ARL15: variants seen among roughly 807,000 people sequenced by gnomAD.
ARL15 encodes the protein ARF like GTPase 15.
ARL15 carries 19 observed loss-of-function variants against 25.2 expected under a neutral mutation model. The observed-to-expected ratio is 0.75, with a 90% CI of 0.53 to 1.10. The LOEUF is 1.10. Ranked by LOEUF, ARL15 falls within the 50% of genes least tolerant of loss-of-function variation. The probability of loss-of-function intolerance (pLI) is 0.00; values close to 1 mark genes in which losing one functional copy is unlikely to be tolerated. For missense variants in ARL15, 220 were observed against 246.0 expected (o/e 0.89, Z 0.71); for synonymous variants, 94 against 86.8 (o/e 1.08, Z -0.46).
chr5:54,076,423 GA>G (rs911175651), intron 4 of ARL15, among the ~76,000 whole-genome samples: 30 of 100,390 alleles, frequency 3.0e-4, no homozygotes, highest in Middle Eastern at 5.7e-3. Flanking sequence ...TCCGTCTCAA[GA>G]AAAAAAAAAA....
Position 54,149,337 on chromosome 5 carries a change from T to G in ARL15, c.253+5243A>C, listed in dbSNP as rs1229916121. ...CCAGTGAGGGCCTTTTCGAGTTGCT[T>G]CTCAGTTTAAACAGGTGTAATATCT... On this transcript the variant is annotated intron_variant, in intron 3 of 4. Coordinates refer to ENST00000504924, the MANE Select transcript of ARL15 (RefSeq NM_019087.3). Among the ~76,000 whole-genome samples, 9 of 152,248 alleles carry G rather than the reference T, an allele frequency of 5.9e-5. No individual in the cohort carries two copies. In the East Asian group the frequency reaches 1.7e-3, roughly 29 times the overall value.
chr5:53,932,164 A>G (rs1255426537), intron 4 of ARL15, among the ~76,000 whole-genome samples: 2 of 152,252 alleles, frequency 1.3e-5, no homozygotes, highest in African/African-American at 4.8e-5. Flanking sequence ...TTACAGAAAA[A>G]TCATAGGCAT....
chr5:54,289,256 G>A lies in ARL15; in HGVS notation c.48+21176C>T, dbSNP rs113652490. On this transcript the variant is annotated intron_variant, in intron 1 of 4. Coordinates refer to ENST00000504924, the MANE Select transcript of ARL15 (RefSeq NM_019087.3). ...CCCAGCCATGTCCCATGCTGGGGAC[G>A]GAACAGTGAGAGCAAAGTCCCTGCT... Among the ~76,000 whole-genome samples the A allele has an allele frequency of 6.3e-3, 958 of 152,038 alleles. 7 individuals are homozygous for A. Among genetic ancestry groups the A allele is most frequent in the African/African-American group, 0.022 (911 of 41,436 alleles).
chr5:54,010,697 A>G (rs1463218460), intron 4 of ARL15, among the ~76,000 whole-genome samples: 2 of 152,180 alleles, frequency 1.3e-5, no homozygotes, highest in Non-Finnish European at 2.9e-5. Flanking sequence ...ACTCCATCAA[A>G]TCAGTAAAAT....
intron 3 of ARL15, 75 bp downstream of exon 3, chr5:54,154,505 G>T: frequency 1.1e-6 from 1 of 907,210 alleles, no homozygotes; most frequent in South Asian, 1.7e-5. Context: ...CATTATGTTT[G>T]AATTACATAT....
intron 4 of ARL15, among the ~76,000 whole-genome samples, chr5:53,993,775 C>T (rs1748580735): frequency 6.6e-6 from 1 of 152,172 alleles, no homozygotes; most frequent in Non-Finnish European, 1.5e-5. Context: ...TAGTTAGAGT[C>T]AGGTCCTGGC....
intron 4 of ARL15, among the ~76,000 whole-genome samples, chr5:54,048,757 G>A (rs558084379): frequency 6.7e-6 from 1 of 150,218 alleles, no homozygotes; most frequent in African/African-American, 2.5e-5. Context: ...CTTCCCCAAA[G>A]GAACCATTTG....
intron 1 of ARL15, among the ~76,000 whole-genome samples, chr5:54,284,302 G>C (rs1190002918): frequency 6.6e-6 from 1 of 152,076 alleles, no homozygotes; most frequent in Non-Finnish European, 1.5e-5. Flanking sequence ...ACAGGGTTTT[G>C]CCATGTTTCC....
At chr5:54,083,697 C>T (rs188257814) in intron 4 of ARL15, among the ~76,000 whole-genome samples, 18 of 152,216 alleles carry the variant, frequency 1.2e-4, no homozygotes, top group Admixed American at 2.6e-4. Context: ...TCTGAGCTGT[C>T]AAACTTACAA....
chr5:54,054,971 T>C (rs1189163176), intron 4 of ARL15, among the ~76,000 whole-genome samples: 2 of 152,184 alleles, frequency 1.3e-5, no homozygotes, highest in East Asian at 1.9e-4. Context: ...TTAGCTTTTA[T>C]TTTTTTAAAA....
intron 3 of ARL15, among the ~76,000 whole-genome samples, chr5:54,154,163 G>A (rs539251516): frequency 6.6e-6 from 1 of 152,052 alleles, no homozygotes; most frequent in Non-Finnish European, 1.5e-5. Context: ...TTTATTATCG[G>A]AACAAATACA....
chr5:54,107,941 C>G (rs1034486174), intron 4 of ARL15, among the ~76,000 whole-genome samples: 2 of 151,760 alleles, frequency 1.3e-5, no homozygotes, highest in African/African-American at 4.8e-5. Context: ...CACAGGTATA[C>G]AGAGGAAAAA....
At chr5:54,145,726 G>A (rs1017294722) in intron 3 of ARL15, among the ~76,000 whole-genome samples, 1 of 152,120 alleles carries the variant, frequency 6.6e-6, no homozygotes, top group Non-Finnish European at 1.5e-5. Context: ...TCACTGAAGT[G>A]AATTAAATAA....
At chr5:53,889,810 GTTTTTTT>G in intron 4 of ARL15, among the ~76,000 whole-genome samples, 1 of 135,864 alleles carries the variant, frequency 7.4e-6, no homozygotes, top group African/African-American at 2.7e-5. Context: ...AGTTCTGACT[GTTTTTTT>G]TTTTTTTTTT....
chr5:54,177,889 A>G (rs1470184876), intron 1 of ARL15, among the ~76,000 whole-genome samples: 2 of 152,272 alleles, frequency 1.3e-5, no homozygotes, highest in African/African-American at 2.4e-5. Context: ...GAAGTGTTCA[A>G]TTCCCTCAGA....
chr5:53,914,151 T>A (rs1021389), intron 4 of ARL15, among the ~76,000 whole-genome samples: 142,038 of 151,584 alleles, frequency 0.94, 67,090 homozygotes, highest in Non-Finnish European at 1. Context: ...ACACACACTC[T>A]CACACACACA....
rs548509043 is a variant in ARL15 at position 54,024,548 on chromosome 5, A to G, written c.462+88654T>C. 5.3e-5 allele frequency among the ~76,000 whole-genome samples: 8 copies of G among 152,330 alleles called. No homozygotes were observed. In the South Asian group the frequency reaches 1.2e-3, roughly 24 times the overall value. On this transcript the variant is annotated intron_variant, in intron 4 of 4. Transcript: ENST00000504924. ...GGTCGGTATGGTACTAACTCAATTCATATAATTATTATGTCTCCAGGAATA... is the reference window on the plus strand; with the variant it reads ...GGTCGGTATGGTACTAACTCAATTCGTATAATTATTATGTCTCCAGGAATA...
At chr5:54,114,263 C>A (rs1040313328) in intron 3 of ARL15, among the ~76,000 whole-genome samples, 1 of 151,342 alleles carries the variant, frequency 6.6e-6, no homozygotes, top group Admixed American at 6.6e-5. Flanking sequence ...CCGGGCGTGG[C>A]GGCGGGTGCC....
intron 4 of ARL15, among the ~76,000 whole-genome samples, chr5:53,938,311 G>T (rs1316228546): frequency 6.6e-6 from 1 of 151,672 alleles, no homozygotes; most frequent in Non-Finnish European, 1.5e-5. Context: ...AGAATACTTA[G>T]TGAGCAATTA....
Sources: gnomAD v4.1 joint callset for allele counts (sites outside exome capture counted in the v4.1 genomes callset) on GRCh38, gnomAD v4.1.1 for gene constraint, MANE v1.5 for transcripts, NCBI Gene and HGNC (gene_info 2026-07-23, HGNC 2026-07-21) for gene names.